The following CAMK2D variants were observed in gnomAD, a reference collection of about 807,000 sequenced individuals.
CAMK2D encodes the protein calcium/calmodulin-dependent protein kinase type II subunit delta.
Under a neutral mutation model 84.0 loss-of-function variants are expected in CAMK2D, and 37 were observed. The ratio of observed to expected loss-of-function variants is 0.44; its 90% CI spans 0.34 to 0.58. The LOEUF is 0.58. CAMK2D is among the 20% of genes least tolerant of loss of function. CAMK2D has a pLI of 0.02. For synonymous variants in CAMK2D, 202 were observed against 212.5 expected, an observed-to-expected ratio of 0.95 and a Z score of 0.43; for missense variants, 448 against 652.5, an observed-to-expected ratio of 0.69 and a Z score of 3.41.
At chr4:113,754,546 G>C (rs1237451724) in intron 2 of CAMK2D, 11 of 973,348 alleles carry the variant, frequency 1.1e-5, no homozygotes, top group Non-Finnish European at 1.3e-5. Flanking sequence ...TCTAAACAAA[G>C]TTCTCACACA....
At chr4:113,543,768 G>GTTTGTTTATTTATTTA (rs779428790) in intron 6 of CAMK2D, among the ~76,000 whole-genome samples, 110 of 146,710 alleles carry the variant, frequency 7.5e-4, no homozygotes, top group African/African-American at 2.6e-3. Flanking sequence ...TATCTATCAA[G>GTTTGTTTATTTATTTA]TTTATTTATT....
intron 2 of CAMK2D, among the ~76,000 whole-genome samples, chr4:113,724,261 T>C (rs762731762): frequency 2.0e-5 from 3 of 152,098 alleles, no homozygotes; most frequent in Non-Finnish European, 4.4e-5. Flanking sequence ...TATTTGTTAT[T>C]GAAGTCTTTA....
At chr4:113,707,458 A>T (rs2099463885) in intron 2 of CAMK2D, among the ~76,000 whole-genome samples, 2 of 152,168 alleles carry the variant, frequency 1.3e-5, no homozygotes, top group Non-Finnish European at 2.9e-5. Context: ...TTTAGGACAA[A>T]CCAGAAGAAA....
Position 113,603,925 on chromosome 4 carries a change from T to G in CAMK2D, c.275+5227A>C, listed in dbSNP as rs531326114. 4.3e-4 allele frequency among the ~76,000 whole-genome samples: 64 copies of G among 149,594 alleles called. No homozygotes were observed. In the South Asian group the frequency reaches 0.011, roughly 25 times the overall value. Reference sequence around the variant, plus strand: ...GCCTGGGCAACATAGCAAGACCCCATCTCTATAATAAAATAAAATTTAAAA... The same window carrying G: ...GCCTGGGCAACATAGCAAGACCCCAGCTCTATAATAAAATAAAATTTAAAA... On this transcript the variant is annotated intron_variant, in intron 4 of 20. Coordinates refer to ENST00000511664, the MANE Select transcript of CAMK2D (RefSeq NM_001321571.2).
intron 3 of CAMK2D, among the ~76,000 whole-genome samples, chr4:113,617,150 C>T (rs1350664492): frequency 6.6e-6 from 1 of 152,068 alleles, no homozygotes; most frequent in Non-Finnish European, 1.5e-5. Context: ...AGTGATCTCT[C>T]ATCAATATCC....
intron 2 of CAMK2D, chr4:113,755,073 C>T: frequency 1.0e-6 from 1 of 984,528 alleles, no homozygotes; most frequent in Non-Finnish European, 1.2e-6. Flanking sequence ...TGAGAAATTA[C>T]AGTACTTTCT....
chr4:113,649,150 C>T (rs941443743), intron 3 of CAMK2D, among the ~76,000 whole-genome samples: 11 of 152,278 alleles, frequency 7.2e-5, no homozygotes, highest in South Asian at 2.1e-4. Context: ...GATCCCATTG[C>T]TATGGTTGAG....
At chr4:113,469,209 C>G (rs79394798) in intron 16 of CAMK2D, among the ~76,000 whole-genome samples, 4,729 of 152,244 alleles carry the variant, frequency 0.031, 99 homozygotes, top group Middle Eastern at 0.054. Context: ...AAACAACTTA[C>G]AGATTTCAAC....
chr4:113,490,721 A>C (rs1311983159), intron 16 of CAMK2D, among the ~76,000 whole-genome samples: 1 of 149,838 alleles, frequency 6.7e-6, no homozygotes, highest in Non-Finnish European at 1.5e-5. Flanking sequence ...GAATCTGTAA[A>C]TTACCTTGGG....
intron 2 of CAMK2D, among the ~76,000 whole-genome samples, chr4:113,663,234 G>C (rs2099242453): frequency 6.6e-6 from 1 of 152,150 alleles, no homozygotes; most frequent in African/African-American, 2.4e-5. Flanking sequence ...AGTAAAGGTA[G>C]ATTTTGAAAA....
chr4:113,561,291 T>C (rs1471439643), intron 4 of CAMK2D, among the ~76,000 whole-genome samples: 3 of 152,028 alleles, frequency 2.0e-5, no homozygotes, highest in East Asian at 1.9e-4. Flanking sequence ...CTGGGCAACA[T>C]AGTGAGACCC....
chr4:113,748,463 A>C (rs1176738857), intron 2 of CAMK2D, among the ~76,000 whole-genome samples: 1 of 152,138 alleles, frequency 6.6e-6, no homozygotes, highest in Non-Finnish European at 1.5e-5. Flanking sequence ...TCCTCTATGA[A>C]TATTTCCTAA....
chr4:113,707,123 T>C (rs1407759845), intron 2 of CAMK2D, among the ~76,000 whole-genome samples: 6 of 152,152 alleles, frequency 3.9e-5, no homozygotes, highest in Non-Finnish European at 7.4e-5. Flanking sequence ...ACCATTCTCG[T>C]TGTGTTTTAA....
chr4:113,689,395 T>C (rs1033266611), intron 2 of CAMK2D, among the ~76,000 whole-genome samples: 2 of 152,234 alleles, frequency 1.3e-5, no homozygotes, highest in Non-Finnish European at 2.9e-5. Context: ...TCCAGTTACA[T>C]TTGTTCCTGC....
At chr4:113,656,455 A>G (rs2099200909) in intron 3 of CAMK2D, among the ~76,000 whole-genome samples, 1 of 152,136 alleles carries the variant, frequency 6.6e-6, no homozygotes, top group South Asian at 2.1e-4. Flanking sequence ...ACTGAACACT[A>G]TTATCACTGA....
chr4:113,759,274 A>G, intron 2 of CAMK2D, 46 bp downstream of exon 2: 2 of 1,203,354 alleles, frequency 1.7e-6, no homozygotes, highest in African/African-American at 1.5e-5. Flanking sequence ...TATAATCAAC[A>G]TGACAAATAC....
intron 2 of CAMK2D, 62 bp from the exon 3 acceptor site, chr4:113,661,834 C>T (rs1561673006): frequency 1.3e-6 from 1 of 766,146 alleles, no homozygotes; most frequent in Non-Finnish European, 2.1e-6. Context: ...ACACAATAAA[C>T]AGCATAACAA....
chr4:113,489,471 C>T (rs900476403), intron 16 of CAMK2D, among the ~76,000 whole-genome samples: 14 of 151,978 alleles, frequency 9.2e-5, no homozygotes, highest in African/African-American at 2.9e-4. Flanking sequence ...GACATGAACT[C>T]ATCATTTTTT....
intron 11 of CAMK2D, 64 bp from the exon 12 acceptor site, chr4:113,513,434 TAG>T: frequency 3.1e-6 from 3 of 975,452 alleles, no homozygotes; most frequent in Non-Finnish European, 5.0e-6. Context: ...CTAACAAATA[TAG>T]AGTCTTTGAT....
Sources: allele counts gnomAD v4.1 joint callset (sites outside exome capture counted in the v4.1 genomes callset), GRCh38; gene constraint gnomAD v4.1.1; transcripts MANE v1.5; gene names NCBI Gene and HGNC (gene_info 2026-07-23, HGNC 2026-07-21).